The following ABL1 variants were observed in gnomAD, a reference collection of about 807,000 sequenced individuals.
ABL1 encodes the protein ABL proto-oncogene 1, non-receptor tyrosine kinase.
In ABL1, 11 loss-of-function variants were observed where a neutral mutation model predicts 94.7. The observed-to-expected ratio is 0.12, with a 90% CI of 0.07 to 0.19. The LOEUF (loss-of-function observed/expected upper bound fraction) is 0.19, where lower values mean the gene tolerates loss of function less well. Ranked by LOEUF, ABL1 falls within the 10% of genes least tolerant of loss-of-function variation. The pLI is 1.00. For synonymous variants in ABL1, 656 were observed against 622.4 expected (o/e 1.05, Z -0.80); for missense variants, 1,082 against 1,489.4 (o/e 0.73, Z 4.50).
rs143152951 is a variant in ABL1, at chr9:130,880,610, A to G, written c.1624A>G (p.Arg542Gly). The change falls in exon 10 of 11, where the codon AGA becomes GGA. Residue 542 changes from arginine to glycine, a missense_variant. Physicochemically the swap from Arg to Gly is moderately radical, Grantham distance 125. Transcript: ENST00000318560. The surrounding 1 kb of genome is among the most constrained non-coding windows in gnomAD (Gnocchi z 4.4). ...GACCTCCAGGAGAGCTGCAGAGCAC[A>G]GAGACACCACTGACGTGCCTGAGAT... ...TRTSRRAAEHRDTTDVPEMPH... is the reference protein window; with the variant it reads ...TRTSRRAAEHGDTTDVPEMPH... 254 of 1,613,296 alleles carry G rather than the reference A, an allele frequency of 1.6e-4. No individual in the cohort carries two copies. Among genetic ancestry groups the G allele is most frequent in the Non-Finnish European group, 1.9e-4 (223 of 1,179,676 alleles).
intron 1 of ABL1, among the ~76,000 whole-genome samples, chr9:130,720,902 G>A (rs1474914844): frequency 2.6e-5 from 4 of 151,922 alleles, no homozygotes; most frequent in Non-Finnish European, 5.9e-5. Context: ...ATAACTGGAA[G>A]AATAGAGTTG....
At chr9:130,719,587 C>G (rs1180704556) in intron 1 of ABL1, among the ~76,000 whole-genome samples, 1 of 152,128 alleles carries the variant, frequency 6.6e-6, no homozygotes, top group Non-Finnish European at 1.5e-5. Context: ...CAACCTGTCA[C>G]TTTTTTCAGA....
At chr9:130,803,747 A>G (rs1184291816) in intron 1 of ABL1, among the ~76,000 whole-genome samples, 1 of 152,208 alleles carries the variant, frequency 6.6e-6, no homozygotes. Flanking sequence ...AACGGAATAC[A>G]TAAGGCTGGT....
At chr9:130,792,275 C>A (rs143008891) in intron 1 of ABL1, among the ~76,000 whole-genome samples, 1 of 152,232 alleles carries the variant, frequency 6.6e-6, no homozygotes, top group African/African-American at 2.4e-5. Flanking sequence ...GTCATTTTTC[C>A]TTTCTCTTGC....
chr9:130,737,831 C>CT (rs55666318), intron 1 of ABL1, among the ~76,000 whole-genome samples: 2,514 of 134,532 alleles, frequency 0.019, 77 homozygotes, highest in African/African-American at 0.056. Flanking sequence ...AGAACAGTGT[C>CT]TTTTTTTTTT....
intron 1 of ABL1, among the ~76,000 whole-genome samples, chr9:130,716,295 C>A (rs1285059463): frequency 2.0e-5 from 3 of 151,928 alleles, no homozygotes; most frequent in African/African-American, 4.8e-5. Context: ...CGGGGTTTCG[C>A]CATGTTGGCC....
chr9:130,880,377 C>A lies in ABL1; in HGVS notation c.1514-123C>A. The A allele has an allele frequency of 2.4e-6, 3 of 1,242,314 alleles. No homozygotes were observed. The highest frequency in any genetic ancestry group is 2.0e-4 in the Middle Eastern group (1 of 4,928). 77.0% of individuals were successfully genotyped at this position (1,242,314 alleles called of 1,614,324 possible). A position where few individuals can be genotyped will look rare whatever the true frequency, so the allele number is the denominator to read the frequency against. ...GGGCTGTTTCTCCGGTATCCACGTG[C>A]CTTTTCTTTAGTTGTATGCAGATGA... On this transcript the variant is annotated intron_variant, in intron 9 of 10. Coordinates refer to ENST00000318560, the MANE Select transcript of ABL1 (RefSeq NM_005157.6). The surrounding 1 kb of genome is among the most constrained non-coding windows in gnomAD (Gnocchi z 4.4).
chr9:130,763,706 G>T (rs1832145980), intron 1 of ABL1, among the ~76,000 whole-genome samples: 1 of 152,196 alleles, frequency 6.6e-6, no homozygotes, highest in Non-Finnish European at 1.5e-5. Context: ...CATGTCAGCA[G>T]CTTTCCCCAG....
At position 130,863,415 on chromosome 9, in the gene ABL1, AAAG is replaced by A. The variant is rs1319171936; in HGVS notation, c.822+385_822+387del. Among the ~76,000 whole-genome samples, 1 of 152,112 alleles carries A rather than the reference AAAG, an allele frequency of 6.6e-6. No individual in the cohort carries two copies. The highest frequency in any genetic ancestry group is 2.1e-4 in the South Asian group (1 of 4,824). On this transcript the variant is annotated intron_variant, in intron 4 of 10. Transcript: ENST00000318560. This position sits in a 1 kb window ranked among gnomAD's most constrained non-coding sequence, Gnocchi z 4.3. ...AGGAAAAAAAGATCTCTGAGTTTTG[AAAG>A]AAGATTTAACCAAAATGCATTTGAC...
intron 1 of ABL1, among the ~76,000 whole-genome samples, chr9:130,725,838 T>TG (rs1288088468): frequency 0.023 from 2,988 of 132,376 alleles, 226 homozygotes; most frequent in African/African-American, 0.077. Flanking sequence ...TTTTTTTTTT[T>TG]TTTTTTTTTT....
chr9:130,854,185 T>A lies in ABL1; in HGVS notation c.201T>A (p.Val67=). 6.2e-7 allele frequency: 1 copy of A among 1,614,170 alleles called. No individual in the cohort carries two copies. Among genetic ancestry groups the A allele is most frequent in the Non-Finnish European group, 8.5e-7 (1 of 1,180,028 alleles). Residue 67 remains valine, a synonymous_variant, in exon 2 of 11, where the codon GTT becomes GTA. Coordinates refer to ENST00000318560, the MANE Select transcript of ABL1 (RefSeq NM_005157.6). ...GPSENDPNLF[V]ALYDFVASGD... is the part of the protein sequence containing the mutation. ...GTGAAAATGACCCCAACCTTTTCGT[T>A]GCACTGTATGATTTTGTGGCCAGTG...
At chr9:130,728,997 T>C in intron 1 of ABL1, among the ~76,000 whole-genome samples, 1 of 152,222 alleles carries the variant, frequency 6.6e-6, no homozygotes, top group East Asian at 1.9e-4. Flanking sequence ...TTTTGACAAG[T>C]AGTTAGGTTA....
Position 130,885,662 on chromosome 9 carries a change from C to T in ABL1, c.3372C>T (p.Ile1124=), listed in dbSNP as rs1298152110. The T allele has an allele frequency of 1.2e-6, 2 of 1,612,466 alleles. No individual in the cohort carries two copies. The highest frequency in any genetic ancestry group is 2.7e-5 in the African/African-American group (2 of 74,938). ...AGCTCCTCAGTTCGGTGAAGGAAAT[C>T]AGTGACATAGTGCAGAGGTAGCAGC... The part of the protein sequence containing the change: ...FSKLLSSVKE[I]SDIVQR The change falls in exon 11 of 11, where the codon ATC becomes ATT. Residue 1124 remains isoleucine (I), a synonymous_variant. Coordinates refer to ENST00000318560, the MANE Select transcript of ABL1 (RefSeq NM_005157.6).
intron 1 of ABL1, among the ~76,000 whole-genome samples, chr9:130,808,066 T>G (rs1427451484): frequency 6.7e-6 from 1 of 150,350 alleles, no homozygotes; most frequent in Non-Finnish European, 1.5e-5. Context: ...CCAGTTCTCT[T>G]TATCAAATTA....
At position 130,887,229 on chromosome 9, in the gene ABL1, AACTTGT is replaced by A. The variant is rs1280054250; in HGVS notation, c.*1551_*1556del. Reference sequence around the variant, plus strand: ...GCCCTAGCTTTACGCTCATCACCTAAACTTGTACTTTATTTTTCTGATAGAAATGGT... The same window carrying A: ...GCCCTAGCTTTACGCTCATCACCTAAACTTTATTTTTCTGATAGAAATGGT... On this transcript the variant is annotated 3_prime_UTR_variant, in exon 11 of 11. Coordinates refer to ENST00000318560, the MANE Select transcript of ABL1 (RefSeq NM_005157.6). 1.3e-5 allele frequency: 3 copies of A among 232,812 alleles called. No homozygotes were observed. The highest frequency in any genetic ancestry group is 2.5e-5 in the Non-Finnish European group (3 of 117,874). 14.4% of individuals were successfully genotyped at this position (232,812 alleles called of 1,614,324 possible).
At position 130,885,815 on chromosome 9, in the gene ABL1, G is replaced by A. The variant is rs1588284400; in HGVS notation, c.*132G>A. 2.4e-6 allele frequency: 3 copies of A among 1,247,326 alleles called. No homozygotes were observed. The highest frequency in any genetic ancestry group is 3.0e-5 in the African/African-American group (2 of 65,600). 77.3% of individuals were successfully genotyped at this position (1,247,326 alleles called of 1,614,324 possible). A position where few individuals can be genotyped will look rare whatever the true frequency, so the allele number is the denominator to read the frequency against. On this transcript the variant is annotated 3_prime_UTR_variant, in exon 11 of 11. Coordinates refer to ENST00000318560, the MANE Select transcript of ABL1 (RefSeq NM_005157.6). ...TGGCCCAGGAGCTCTGCGCCAGGCA[G>A]AGCTGAGGGCCCTGTGGAGTCCAGC...
At chr9:130,856,174 C>T (rs1564312966) in intron 3 of ABL1, among the ~76,000 whole-genome samples, 2 of 152,192 alleles carry the variant, frequency 1.3e-5, no homozygotes, top group African/African-American at 2.4e-5. Flanking sequence ...CTGCAACCTC[C>T]ACCTCCCGGG....
Position 130,880,257 on chromosome 9 carries a change from G to A in ABL1, c.1513+100G>A. 7.5e-7 allele frequency: 1 copy of A among 1,330,516 alleles called. No homozygotes were observed. The highest frequency in any genetic ancestry group is 1.1e-6 in the Non-Finnish European group (1 of 927,798). 82.4% of individuals were successfully genotyped at this position (1,330,516 alleles called of 1,614,324 possible). A position where few individuals can be genotyped will look rare whatever the true frequency, so the allele number is the denominator to read the frequency against. ...GTTCACTTCCTGGTGAAAGTTCACAGACCAGCCTGTCCTGAGACCAGAAAG... is the reference window on the plus strand; with the variant it reads ...GTTCACTTCCTGGTGAAAGTTCACAAACCAGCCTGTCCTGAGACCAGAAAG... On this transcript the variant is annotated intron_variant, in intron 9 of 10. Transcript: ENST00000318560. This position sits in a 1 kb window ranked among gnomAD's most constrained non-coding sequence, Gnocchi z 4.4.
exon 1 of ABL1, chr9:130,714,267 C>G (rs574830539): frequency 8.6e-6 from 13 of 1,513,906 alleles, no homozygotes; most frequent in Non-Finnish European, 1.1e-5. Context: ...GCTCGCTGAC[C>G]GTTCTGGAAG....
Sources: gnomAD v4.1 joint callset for allele counts (sites outside exome capture counted in the v4.1 genomes callset) on GRCh38, gnomAD v4.1.1 for gene constraint, Gnocchi (gnomAD v3.1) non-coding constraint, MANE v1.5 for transcripts, NCBI Gene and HGNC (gene_info 2026-07-23, HGNC 2026-07-21) for gene names.